The following AKNA variants were observed in gnomAD, a reference collection of about 807,000 sequenced individuals.
AKNA encodes microtubule organization protein AKNA.
In AKNA, 67 loss-of-function variants were observed where a neutral mutation model predicts 138.8. The ratio of observed to expected loss-of-function variants is 0.48; its 90% CI spans 0.40 to 0.59. The LOEUF (loss-of-function observed/expected upper bound fraction) is 0.59. Ranked by LOEUF, AKNA falls within the 20% of genes least tolerant of loss-of-function variation. AKNA has a pLI of 0.00. For synonymous variants in AKNA, 737 were observed against 754.4 expected (o/e 0.98, Z 0.38); for missense variants, 1,813 against 1,880.4 (o/e 0.96, Z 0.66).
rs906817866 is a variant in AKNA, at chr9:114,376,708, G to A, written c.1099C>T (p.Arg367Trp). 2.5e-6 allele frequency: 4 copies of A among 1,612,370 alleles called. No individual in the cohort carries two copies. Among genetic ancestry groups the A allele is most frequent in the African/African-American group, 1.3e-5 (1 of 74,834 alleles). Reference protein sequence around the residue: ...PLPDFSKVGPRVRFPKDESYR... With the variant: ...PLPDFSKVGPWVRFPKDESYR... ...CTCTCATCTTTGGGGAATCTCACCC[G>A]GGGCCCTACCTTGGAGAAATCAGGG... The change falls in exon 3 of 22, where the codon CGG (arginine) becomes TGG (tryptophan). Residue 367 changes from arginine (R) to tryptophan (W), a missense_variant. Transcript: ENST00000374088.
Position 114,355,626 on chromosome 9 carries a change from C to T in AKNA, c.3058+299G>A, listed in dbSNP as rs117913497. Among the ~76,000 whole-genome samples, 33 of 152,326 alleles carry T rather than the reference C, an allele frequency of 2.2e-4. No individual in the cohort carries two copies. In the East Asian group the frequency reaches 5.6e-3, roughly 26 times the overall value. The stretch of plus-strand genomic sequence containing the variant: ...CATGAAAATCTTATGGGACCACCGC[C>T]GTGCACGCTGTCTGTCGTTGAACAA... On this transcript the variant is annotated intron_variant, in intron 14 of 21. Coordinates refer to ENST00000374088, the MANE Select transcript of AKNA (RefSeq NM_001317950.2).
intron 19 of AKNA, among the ~76,000 whole-genome samples, chr9:114,342,988 C>G (rs1355096916): frequency 6.6e-6 from 1 of 152,246 alleles, no homozygotes; most frequent in African/African-American, 2.4e-5. Context: ...GACCTGGGTT[C>G]AAATCCTGCT....
rs7870904 is a variant in AKNA at position 114,359,292 on chromosome 9, C to T, written c.2492+302G>A. On this transcript the variant is annotated intron_variant, in intron 11 of 21. Coordinates refer to ENST00000374088, the MANE Select transcript of AKNA (RefSeq NM_001317950.2). ...CCGTTTTGCTCAGGCTAGTCTTGAA[C>T]TCCTGGACTCAAGTGATCCACCTGC... 3,347 of 474,124 alleles carry T rather than the reference C, an allele frequency of 7.1e-3. 86 individuals are homozygous for T. The highest frequency in any genetic ancestry group is 0.059 in the African/African-American group (2,978 of 50,180). The allele number at this position is 474,124 out of a possible 1,614,324, so 29.4% of individuals were successfully genotyped here.
rs1338369609 is a variant in AKNA at position 114,343,931 on chromosome 9, G to A, written c.3662-128C>T. ...TAGTCTCTGTCTCTCTCTCACGTGT[G>A]CACACGGTGAGTGTGCATACACACA... On this transcript the variant is annotated intron_variant, in intron 18 of 21. Coordinates refer to ENST00000374088, the MANE Select transcript of AKNA (RefSeq NM_001317950.2). 5 of 803,236 alleles carry A rather than the reference G, an allele frequency of 6.2e-6. No individual in the cohort carries two copies. The Admixed American group carries it at 1.4e-4, about 23-fold the overall frequency. 49.8% of individuals were successfully genotyped at this position (803,236 alleles called of 1,614,324 possible). A position where few individuals can be genotyped will look rare whatever the true frequency, so the allele number is the denominator to read the frequency against.
In AKNA at chr9:114,374,404, C is replaced by T. The variant is rs368130780; in HGVS notation, c.1342-237G>A. Among the ~76,000 whole-genome samples, 223 of 152,340 alleles carry T rather than the reference C, an allele frequency of 1.5e-3. 5 individuals are homozygous for T. The South Asian group carries it at 0.032, about 22-fold the overall frequency. ...GACAACTCTTCTACCCCCATGACAA[C>T]GGGTCTAGACTGAGGGCCTCTGGCT... On this transcript the variant is annotated intron_variant, in intron 3 of 21. Transcript: ENST00000374088.
intron 14 of AKNA, among the ~76,000 whole-genome samples, chr9:114,355,473 G>A (rs967332469): frequency 6.6e-6 from 1 of 152,118 alleles, no homozygotes; most frequent in Non-Finnish European, 1.5e-5. Context: ...CGCTGCACCC[G>A]GCTGGGACTG....
chr9:114,347,491 A>G (rs2131825331), intron 16 of AKNA, among the ~76,000 whole-genome samples: 1 of 152,344 alleles, frequency 6.6e-6, no homozygotes, highest in South Asian at 2.1e-4. Context: ...GTGCTGGATT[A>G]CAGGCATGAG....
rs1832534392 is a variant in AKNA at position 114,368,468 on chromosome 9, G to A, written c.1544C>T (p.Ala515Val). 1 of 1,333,048 alleles carries A rather than the reference G, an allele frequency of 7.5e-7. No individual in the cohort carries two copies. The highest frequency in any genetic ancestry group is 2.6e-5 in the South Asian group (1 of 38,710). 82.6% of individuals were successfully genotyped at this position (1,333,048 alleles called of 1,614,324 possible). Residue 515 changes from alanine (A) to valine (V), a missense_variant, in exon 5 of 22, where the codon GCC becomes GTC. By Grantham distance (64) the Ala-to-Val change is moderately conservative. Coordinates refer to ENST00000374088, the MANE Select transcript of AKNA (RefSeq NM_001317950.2). ...PRSAEWWPGP[A>V]EDPQASAASG... ...GGCCGCAGAGGCCTGGGGGTCCTCG[G>A]CCGGGCCCGGCCACCACTCTGCAGA...
downstream of AKNA, among the ~76,000 whole-genome samples, chr9:114,331,400 G>A (rs972142161): frequency 6.6e-5 from 10 of 152,056 alleles, no homozygotes; most frequent in South Asian, 2.1e-4. Flanking sequence ...AGTGCTTGGC[G>A]TGGAGCTGGG....
intron 4 of AKNA, 91 bp from the exon 5 acceptor site, chr9:114,368,686 A>T (rs1832555423): frequency 9.0e-7 from 1 of 1,111,544 alleles, no homozygotes; most frequent in Non-Finnish European, 1.2e-6. Context: ...CTCAACACAC[A>T]TGCCCTGTAG....
chr9:114,392,042 G>C (rs1487171674), upstream of AKNA, among the ~76,000 whole-genome samples: 1 of 147,926 alleles, frequency 6.8e-6, no homozygotes, highest in Non-Finnish European at 1.5e-5. Flanking sequence ...GGAGGCGGAG[G>C]TTGCAGTGAA....
intron 3 of AKNA, among the ~76,000 whole-genome samples, chr9:114,374,473 G>C (rs974295069): frequency 1.4e-4 from 21 of 152,190 alleles, no homozygotes; most frequent in African/African-American, 4.6e-4. Context: ...GGCTGCCACT[G>C]TTTTATTTCT....
At chr9:114,387,448 A>C (rs1281528277) in intron 1 of AKNA, among the ~76,000 whole-genome samples, 1 of 152,096 alleles carries the variant, frequency 6.6e-6, no homozygotes, top group Non-Finnish European at 1.5e-5. Context: ...AGCTGGCATA[A>C]GGGGCCACTC....
chr9:114,332,358 G>A (rs1315741078), downstream of AKNA, among the ~76,000 whole-genome samples: 6 of 152,102 alleles, frequency 3.9e-5, no homozygotes, highest in Admixed American at 6.5e-5. Flanking sequence ...CACGGCCACA[G>A]TCACCATCCC....
In AKNA at chr9:114,356,976, G is replaced by C. The variant is rs748368181; in HGVS notation, c.2740-7C>G. 2.5e-6 allele frequency: 4 copies of C among 1,580,702 alleles called. No homozygotes were observed. In the South Asian group the frequency reaches 3.5e-5, roughly 14 times the overall value. ...GGGACGCCATCCAGGTCTCCTGAAA[G>C]AGGCAGTATCCCTTTATGTCTGAGG... On this transcript the variant is annotated splice_polypyrimidine_tract_variant and splice_region_variant and intron_variant, in intron 12 of 21. Transcript: ENST00000374088.
chr9:114,362,603 G>C lies in AKNA; in HGVS notation c.1789-70C>G, dbSNP rs1832061361. ...CGGGGCCTGTCCCTGAAGACACAGTGGATGAGACAGCTTGCGGGAGGCCAT... is the reference window on the plus strand; with the variant it reads ...CGGGGCCTGTCCCTGAAGACACAGTCGATGAGACAGCTTGCGGGAGGCCAT... On this transcript the variant is annotated intron_variant, in intron 7 of 21. Transcript: ENST00000374088. The C allele has an allele frequency of 2.0e-6, 3 of 1,524,974 alleles. No individual in the cohort carries two copies. The African/African-American group carries it at 4.2e-5, about 21-fold the overall frequency. 94.5% of individuals were successfully genotyped at this position (1,524,974 alleles called of 1,614,324 possible). A position where few individuals can be genotyped will look rare whatever the true frequency, so the allele number is the denominator to read the frequency against.
intron 12 of AKNA, 90 bp downstream of exon 12, chr9:114,357,831 T>C (rs1032982963): frequency 2.9e-5 from 45 of 1,555,846 alleles, no homozygotes; most frequent in Middle Eastern, 2.3e-4. Flanking sequence ...CAAGAAGGAA[T>C]AGCACAAGGA....
intron 17 of AKNA, 59 bp downstream of exon 17, chr9:114,346,610 T>G: frequency 2.2e-6 from 3 of 1,385,262 alleles, no homozygotes; most frequent in Non-Finnish European, 3.0e-6. Flanking sequence ...CCCTGACCAC[T>G]GAGCCAACAT....
intron 18 of AKNA, 34 bp from the exon 19 acceptor site, chr9:114,343,837 C>T: frequency 6.4e-7 from 1 of 1,553,862 alleles, no homozygotes; most frequent in Non-Finnish European, 8.8e-7. Context: ...CAGTATCAGC[C>T]CTGTGGATGG....
Sources: gnomAD v4.1 joint callset for allele counts (sites outside exome capture counted in the v4.1 genomes callset) on GRCh38, gnomAD v4.1.1 for gene constraint, MANE v1.5 for transcripts, NCBI Gene and HGNC (gene_info 2026-07-23, HGNC 2026-07-21) for gene names.